The following ZNF765 variants were observed in gnomAD, a reference collection of about 807,000 sequenced individuals.
ZNF765 encodes the protein zinc finger protein 765.
Under a neutral mutation model 44.7 loss-of-function variants are expected in ZNF765, and 37 were observed. The observed-to-expected ratio is 0.83, with a 90% CI of 0.64 to 1.09. The LOEUF is 1.09. Among genes scored for constraint, ZNF765 ranks in the 50% least tolerant of loss-of-function variants. The probability of loss-of-function intolerance (pLI) is 0.00; values close to 1 mark genes in which losing one functional copy is unlikely to be tolerated. For missense variants in ZNF765, 594 were observed against 626.1 expected, an observed-to-expected ratio of 0.95 and a Z score of 0.55; for synonymous variants, 201 against 213.7, an observed-to-expected ratio of 0.94 and a Z score of 0.52.
chr19:53,426,189 C>G (rs2085938382), exon 4 of ZNF765: 1 of 153,250 alleles, frequency 6.5e-6, no homozygotes, highest in African/African-American at 2.4e-5. Context: ...AGGTCTGCAC[C>G]ATGGTGCACA....
intron 2 of ZNF765, among the ~76,000 whole-genome samples, chr19:53,400,924 G>C (rs10406245): frequency 0.26 from 39,940 of 151,716 alleles, 5,622 homozygotes; most frequent in Middle Eastern, 0.36. Context: ...CCTCCACCCT[G>C]AGGCTCAAGC....
intron 3 of ZNF765, 29 bp downstream of exon 3, chr19:53,402,220 G>C (rs761700653): frequency 1.3e-6 from 2 of 1,587,206 alleles, no homozygotes; most frequent in African/African-American, 2.8e-5. Context: ...CTGGGGATGT[G>C]CCCTTGCGTA....
At chr19:53,396,736 C>G (rs1393403912) in intron 1 of ZNF765, among the ~76,000 whole-genome samples, 4 of 152,116 alleles carry the variant, frequency 2.6e-5, no homozygotes, top group Admixed American at 6.6e-5. Flanking sequence ...TAACCCTTGC[C>G]TTGCCTGTTA....
chr19:53,403,137 G>A (rs1348187627), intron 3 of ZNF765, among the ~76,000 whole-genome samples: 1 of 151,536 alleles, frequency 6.6e-6, no homozygotes, highest in East Asian at 1.9e-4. Context: ...CTCCAGACTG[G>A]CGACAGAGCG....
At chr19:53,401,834 C>T in intron 2 of ZNF765, 1 of 1,093,100 alleles carries the variant, frequency 9.1e-7, no homozygotes, top group Admixed American at 1.9e-5. Flanking sequence ...AGAGACTGTG[C>T]CATTGCACTC....
chr19:53,419,645 T>A (rs1258093405), intron 3 of ZNF765, among the ~76,000 whole-genome samples: 1 of 152,234 alleles, frequency 6.6e-6, no homozygotes, highest in African/African-American at 2.4e-5. Flanking sequence ...TTAGCTTGAT[T>A]GAATCTTTCT....
chr19:53,413,340 C>G (rs2085847681), downstream of ZNF765: 4 of 581,838 alleles, frequency 6.9e-6, no homozygotes, highest in Admixed American at 7.5e-5. Flanking sequence ...CAAGCTGGGT[C>G]TATAAGGAAT....
intron 1 of ZNF765, among the ~76,000 whole-genome samples, chr19:53,397,477 G>A (rs1236247852): frequency 3.3e-5 from 5 of 152,102 alleles, no homozygotes; most frequent in Non-Finnish European, 7.3e-5. Flanking sequence ...GAGCTCAAGC[G>A]ATCCTCACAC....
At chr19:53,419,087 C>T (rs1242155761) in intron 3 of ZNF765, among the ~76,000 whole-genome samples, 1 of 152,078 alleles carries the variant, frequency 6.6e-6, no homozygotes, top group African/African-American at 2.4e-5. Flanking sequence ...TCCCTGATAG[C>T]TCCTAATGTA....
At chr19:53,416,645 C>G (rs373176998), downstream of ZNF765, among the ~76,000 whole-genome samples, 17 of 151,954 alleles carry the variant, frequency 1.1e-4, no homozygotes, top group East Asian at 1.7e-3. Flanking sequence ...TATTGATAAA[C>G]TGTATTTGTA....
downstream of ZNF765, among the ~76,000 whole-genome samples, chr19:53,413,597 TA>T (rs146493781): frequency 0.26 from 35,940 of 136,962 alleles, 4,857 homozygotes; most frequent in Middle Eastern, 0.36. Context: ...TATTGCTTTT[TA>T]GGTTTTTTTT....
chr19:53,407,413 C>T (rs1203618100), intron 3 of ZNF765, among the ~76,000 whole-genome samples: 1 of 152,072 alleles, frequency 6.6e-6, no homozygotes, highest in Non-Finnish European at 1.5e-5. Context: ...CTGTTAGACA[C>T]TTTAGGGTCA....
chr19:53,421,982 G>A (rs904174686), intron 3 of ZNF765, among the ~76,000 whole-genome samples: 2 of 152,088 alleles, frequency 1.3e-5, no homozygotes, highest in Non-Finnish European at 2.9e-5. Flanking sequence ...CTGATATGGG[G>A]TCGACTTTTT....
rs746820277 is a variant in ZNF765 at position 53,408,824 on chromosome 19, G to C, written c.1269G>C (p.Gln423His). 1 of 1,613,576 alleles carries C rather than the reference G, an allele frequency of 6.2e-7. No individual in the cohort carries two copies. ...CNECGKTFNQQLTLNICRLHS... is the reference protein window; with the variant it reads ...CNECGKTFNQHLTLNICRLHS... ...AGTGTGGCAAGACCTTCAATCAGCAGTTAACCCTTAACATTTGTAGACTTC... is the reference window on the plus strand; with the variant it reads ...AGTGTGGCAAGACCTTCAATCAGCACTTAACCCTTAACATTTGTAGACTTC... Residue 423 changes from glutamine to histidine, a missense_variant, in exon 4 of 4, where the codon CAG becomes CAC. This residue lies in a region of ZNF765 where 567 missense variants were observed against 572.6 expected (regional missense o/e 0.99). Transcript: ENST00000396408.
At position 53,399,088 on chromosome 19, in the gene ZNF765, T is replaced by A. The variant is rs189964484; in HGVS notation, c.15+1058T>A. Reference sequence around the variant, plus strand: ...ATTAAATATATATTTTTCTTTTTTTTAAAATTATTATTATACTTTAAGTTT... The same window carrying A: ...ATTAAATATATATTTTTCTTTTTTTAAAAATTATTATTATACTTTAAGTTT... On this transcript the variant is annotated intron_variant, in intron 2 of 3. Coordinates refer to ENST00000396408, the MANE Select transcript of ZNF765 (RefSeq NM_001040185.3). 7.6e-3 allele frequency among the ~76,000 whole-genome samples: 1,150 copies of A among 151,848 alleles called. 8 individuals are homozygous for A. The highest frequency in any genetic ancestry group is 0.025 in the South Asian group (121 of 4,804).
At chr19:53,404,365 C>T (rs143858000) in intron 3 of ZNF765, among the ~76,000 whole-genome samples, 90 of 152,318 alleles carry the variant, frequency 5.9e-4, no homozygotes, top group African/African-American at 2.0e-3. Flanking sequence ...TGTGAACCAC[C>T]GTGCCCGGCC....
In ZNF765 at chr19:53,410,448, T is replaced by A; in HGVS notation, c.*1321T>A. 2.8e-6 allele frequency: 1 copy of A among 354,118 alleles called. No homozygotes were observed. Among genetic ancestry groups the A allele is most frequent in the Non-Finnish European group, 5.7e-6 (1 of 174,946 alleles). The allele number at this position is 354,118 out of a possible 1,614,324, so 21.9% of individuals were successfully genotyped here. Reference sequence around the variant, plus strand: ...AATGTAAGAGTTTGTGACAAGGCTTTCAGGCATAATTCGCACCTGGCACAA... The same window carrying A: ...AATGTAAGAGTTTGTGACAAGGCTTACAGGCATAATTCGCACCTGGCACAA... On this transcript the variant is annotated 3_prime_UTR_variant, in exon 4 of 4. Transcript: ENST00000396408.
intron 3 of ZNF765, among the ~76,000 whole-genome samples, chr19:53,405,828 T>G (rs2085767356): frequency 6.8e-6 from 1 of 147,926 alleles, no homozygotes; most frequent in African/African-American, 2.5e-5. Context: ...TTCACTGATC[T>G]CAGTTTAAAA....
At chr19:53,399,717 T>TTCC (rs2085704954) in intron 2 of ZNF765, among the ~76,000 whole-genome samples, 1 of 151,992 alleles carries the variant, frequency 6.6e-6, no homozygotes, top group Admixed American at 6.6e-5. Context: ...GGGCCATATG[T>TTCC]TCCGGTTTCT....
Sources: allele counts gnomAD v4.1 joint callset (sites outside exome capture counted in the v4.1 genomes callset), GRCh38; gene constraint gnomAD v4.1.1; regional missense constraint gnomAD v4.1.1; transcripts MANE v1.5; gene names NCBI Gene and HGNC (gene_info 2026-07-23, HGNC 2026-07-21).